Variants in PTPRD observed in about 807,000 individuals in gnomAD.
PTPRD encodes the protein receptor-type tyrosine-protein phosphatase delta.
PTPRD carries 34 observed loss-of-function variants against 214.5 expected under a neutral mutation model. That is an observed-to-expected ratio of 0.16 (90% CI 0.12 to 0.21). The LOEUF is 0.21. PTPRD is among the 10% of genes least tolerant of loss of function. The pLI, the probability that PTPRD is intolerant of heterozygous loss-of-function variation, is 1.00. For synonymous variants in PTPRD, 1,128 were observed against 845.7 expected, an observed-to-expected ratio of 1.33 and a Z score of -5.79; for missense variants, 2,545 against 2,398.7, an observed-to-expected ratio of 1.06 and a Z score of -1.27.
At chr9:10,089,634 AAG>A (rs778870856) in intron 3 of PTPRD, among the ~76,000 whole-genome samples, 89 of 151,752 alleles carry the variant, frequency 5.9e-4, no homozygotes, top group Admixed American at 9.2e-4. Context: ...GGCAATACTG[AAG>A]AGTCATACAA....
chr9:9,259,840 C>CA (rs2099979321), intron 9 of PTPRD, among the ~76,000 whole-genome samples: 1 of 151,772 alleles, frequency 6.6e-6, no homozygotes, highest in Non-Finnish European at 1.5e-5. Flanking sequence ...CCTAAGGTCC[C>CA]AACAAAGGGC....
In PTPRD at chr9:9,981,261, A is replaced by G. The variant is rs116480814; in HGVS notation, c.-471-42651T>C. Among the ~76,000 whole-genome samples, 433 of 152,348 alleles carry G rather than the reference A, an allele frequency of 2.8e-3. 1 individual carries two copies. Among genetic ancestry groups the G allele is most frequent in the African/African-American group, 9.4e-3 (391 of 41,578 alleles). The stretch of plus-strand genomic sequence containing the variant: ...TACACAGTCAGATGGATGAGTTTCA[A>G]ACGCAGTTTTAACTTTAAAATTGTA... On this transcript the variant is annotated intron_variant, in intron 4 of 45. Coordinates refer to ENST00000381196, the MANE Select transcript of PTPRD (RefSeq NM_002839.4).
intron 11 of PTPRD, among the ~76,000 whole-genome samples, chr9:9,007,376 C>T (rs1483813203): frequency 6.6e-6 from 1 of 150,432 alleles, no homozygotes; most frequent in African/African-American, 2.4e-5. Context: ...TCTCCATTAC[C>T]CTCCAAAGCC....
intron 7 of PTPRD, among the ~76,000 whole-genome samples, chr9:9,718,662 T>C (rs12346850): frequency 0.43 from 65,144 of 152,076 alleles, 16,381 homozygotes; most frequent in African/African-American, 0.69. Context: ...TGGAGCAAAG[T>C]TGTGGACATG....
intron 10 of PTPRD, among the ~76,000 whole-genome samples, chr9:9,174,924 G>A (rs1198775238): frequency 6.6e-6 from 1 of 151,936 alleles, no homozygotes; most frequent in African/African-American, 2.4e-5. Flanking sequence ...TATGAAGTGG[G>A]GCCATTGAAA....
chr9:9,307,905 C>T (rs1302595833), intron 9 of PTPRD, among the ~76,000 whole-genome samples: 1 of 152,156 alleles, frequency 6.6e-6, no homozygotes, highest in Non-Finnish European at 1.5e-5. Flanking sequence ...GCCTCCACAG[C>T]GACTTTGCCT....
chr9:8,458,864 A>T (rs1211635940), intron 33 of PTPRD, among the ~76,000 whole-genome samples: 1 of 152,116 alleles, frequency 6.6e-6, no homozygotes, highest in Non-Finnish European at 1.5e-5. Context: ...AGCACGGATA[A>T]TTGAATGATG....
intron 11 of PTPRD, among the ~76,000 whole-genome samples, chr9:8,790,974 T>C (rs1267342004): frequency 1.3e-5 from 2 of 152,190 alleles, no homozygotes; most frequent in East Asian, 1.9e-4. Flanking sequence ...GCTTTTGTTA[T>C]TGAGGAAAGT....
At chr9:10,053,888 A>G (rs1456471901) in intron 3 of PTPRD, among the ~76,000 whole-genome samples, 1 of 151,982 alleles carries the variant, frequency 6.6e-6, no homozygotes, top group African/African-American at 2.4e-5. Context: ...CCTACTGAGT[A>G]GCGGGGATTA....
intron 14 of PTPRD, among the ~76,000 whole-genome samples, chr9:8,530,862 C>T (rs1487322796): frequency 6.6e-6 from 1 of 151,970 alleles, no homozygotes; most frequent in African/African-American, 2.4e-5. Context: ...AATTGATGGA[C>T]TATTAAGGAA....
At chr9:9,137,065 AT>A (rs2099852033) in intron 10 of PTPRD, among the ~76,000 whole-genome samples, 1 of 152,176 alleles carries the variant, frequency 6.6e-6, no homozygotes, top group Non-Finnish European at 1.5e-5. Context: ...CCCACTTTAC[AT>A]GATTTCACTT....
chr9:10,285,633 CAG>C (rs1330853288), intron 3 of PTPRD, among the ~76,000 whole-genome samples: 1 of 84,110 alleles, frequency 1.2e-5, no homozygotes, highest in Non-Finnish European at 2.0e-5. Flanking sequence ...TTTTTTGAAA[CAG>C]AGTCTCGCTC....
chr9:8,612,462 G>C (rs2095484559), intron 14 of PTPRD, among the ~76,000 whole-genome samples: 1 of 152,170 alleles, frequency 6.6e-6, no homozygotes, highest in Non-Finnish European at 1.5e-5. Context: ...GATCATTTGA[G>C]AGGCTGTACA....
At chr9:9,069,492 G>GTTT (rs2099740600) in intron 10 of PTPRD, among the ~76,000 whole-genome samples, 1 of 152,182 alleles carries the variant, frequency 6.6e-6, no homozygotes, top group African/African-American at 2.4e-5. Flanking sequence ...ATTACTGACA[G>GTTT]AATGTAGTGA....
At chr9:9,980,618 C>CAACAAA (rs2095509797) in intron 4 of PTPRD, among the ~76,000 whole-genome samples, 1 of 23,252 alleles carries the variant, frequency 4.3e-5, no homozygotes, top group African/African-American at 1.9e-4. Context: ...CAAAAAAAAA[C>CAACAAA]AAAAAAAAAA....
chr9:9,929,292 C>A (rs2085499395), intron 5 of PTPRD, among the ~76,000 whole-genome samples: 1 of 152,194 alleles, frequency 6.6e-6, no homozygotes, highest in African/African-American at 2.4e-5. Flanking sequence ...GTAAAGTTAA[C>A]TTGAGTCTAC....
At chr9:9,481,257 G>A (rs1246172051) in intron 8 of PTPRD, among the ~76,000 whole-genome samples, 1 of 152,100 alleles carries the variant, frequency 6.6e-6, no homozygotes, top group Non-Finnish European at 1.5e-5. Context: ...GTAGAAGCTG[G>A]AGGGTATCAA....
intron 9 of PTPRD, among the ~76,000 whole-genome samples, chr9:9,387,735 G>A (rs563038731): frequency 1.0e-3 from 152 of 152,222 alleles, no homozygotes; most frequent in African/African-American, 3.5e-3. Context: ...TATGGGATGG[G>A]GGCATGGCTC....
At chr9:10,208,778 G>A (rs1022287533) in intron 3 of PTPRD, among the ~76,000 whole-genome samples, 5 of 152,114 alleles carry the variant, frequency 3.3e-5, no homozygotes, top group African/African-American at 1.2e-4. Flanking sequence ...ATAAAATTAA[G>A]CCACTATCTT....
Sources: gnomAD v4.1 joint callset for allele counts (sites outside exome capture counted in the v4.1 genomes callset) on GRCh38, gnomAD v4.1.1 for gene constraint, MANE v1.5 for transcripts, NCBI Gene and HGNC (gene_info 2026-07-23, HGNC 2026-07-21) for gene names.